Variants in ADSS2 observed in about 807,000 individuals in gnomAD.
ADSS2 encodes the protein adenylosuccinate synthase 2.
In ADSS2, 30 loss-of-function variants were observed where a neutral mutation model predicts 60.0. The ratio of observed to expected loss-of-function variants is 0.50; its 90% CI spans 0.37 to 0.68. The LOEUF (loss-of-function observed/expected upper bound fraction) is 0.68. ADSS2 is among the 30% of genes least tolerant of loss of function. ADSS2 has a pLI of 0.00. For missense variants in ADSS2, 373 were observed against 554.8 expected (o/e 0.67, Z 3.29); for synonymous variants, 187 against 193.1 (o/e 0.97, Z 0.26).
intron 4 of ADSS2, among the ~76,000 whole-genome samples, chr1:244,431,365 T>G (rs941463730): frequency 6.6e-6 from 1 of 152,208 alleles, no homozygotes; most frequent in Admixed American, 6.5e-5. Context: ...GTTTCCTTTG[T>G]TTTTTGTCTT....
In ADSS2 at chr1:244,432,449, A is replaced by T. The variant is rs1464432579; in HGVS notation, c.406+96T>A. The T allele has an allele frequency of 4.3e-6, 4 of 925,718 alleles. No individual in the cohort carries two copies. In the African/African-American group the frequency reaches 5.3e-5, roughly 12 times the overall value. 57.3% of individuals were successfully genotyped at this position (925,718 alleles called of 1,614,324 possible). On this transcript the variant is annotated intron_variant, in intron 4 of 12. Transcript: ENST00000366535. ...CTACAATCCATCCTACTTACGCTAAATAAAAATAAAAGACAAAATTAGTTA... is the reference window on the plus strand; with the variant it reads ...CTACAATCCATCCTACTTACGCTAATTAAAAATAAAAGACAAAATTAGTTA...
In ADSS2 at chr1:244,437,709, G is replaced by A. The variant is rs969695641; in HGVS notation, c.243C>T (p.Leu81=). 6.8e-6 allele frequency: 11 copies of A among 1,607,346 alleles called. No homozygotes were observed. The highest frequency in any genetic ancestry group is 9.4e-6 in the Non-Finnish European group (11 of 1,174,156). The change falls in exon 2 of 13, where the codon CTC becomes CTT. Residue 81 remains leucine, a synonymous_variant. Transcript: ENST00000366535. ...TTGGATTAATTATTCCACTGGGTAA[G>A]AGATGAAAATCATATTCCACAGAAT... The part of the protein sequence containing the change: ...VVDSVEYDFH[L]LPSGIINPNV...
chr1:244,429,593 C>G (rs1434360509), intron 4 of ADSS2, among the ~76,000 whole-genome samples: 2 of 152,086 alleles, frequency 1.3e-5, no homozygotes, highest in Non-Finnish European at 2.9e-5. Flanking sequence ...ATTGACTATA[C>G]TAAAATACAT....
chr1:244,448,435 T>G (rs1665447090), intron 1 of ADSS2, among the ~76,000 whole-genome samples: 1 of 152,220 alleles, frequency 6.6e-6, no homozygotes, highest in Non-Finnish European at 1.5e-5. Flanking sequence ...GTGCTTTCCC[T>G]TATGACTAAC....
chr1:244,429,598 A>T (rs1664885101), intron 4 of ADSS2, among the ~76,000 whole-genome samples: 1 of 152,204 alleles, frequency 6.6e-6, no homozygotes, highest in Admixed American at 6.5e-5. Flanking sequence ...CTATACTAAA[A>T]TACATGTTTC....
chr1:244,440,646 C>A (rs1049124779), intron 1 of ADSS2, among the ~76,000 whole-genome samples: 2 of 152,102 alleles, frequency 1.3e-5, no homozygotes, highest in African/African-American at 4.8e-5. Flanking sequence ...AAATGTGAAG[C>A]CTTTCTCATA....
At chr1:244,445,277 T>C (rs1665356573) in intron 1 of ADSS2, among the ~76,000 whole-genome samples, 1 of 152,182 alleles carries the variant, frequency 6.6e-6, no homozygotes, top group South Asian at 2.1e-4. Context: ...AAAAAAAACT[T>C]ACTACAACAT....
At chr1:244,437,580 G>T in intron 2 of ADSS2, 86 bp downstream of exon 2, 1 of 954,576 alleles carries the variant, frequency 1.0e-6, no homozygotes, top group Non-Finnish European at 1.7e-6. Flanking sequence ...GTCAGTGAGA[G>T]ATGAAAACAG....
chr1:244,418,710 G>C, intron 9 of ADSS2, 50 bp downstream of exon 9: 1 of 1,485,500 alleles, frequency 6.7e-7, no homozygotes. Context: ...AGAAAAAAAA[G>C]AAGAATGAAT....
intron 1 of ADSS2, among the ~76,000 whole-genome samples, chr1:244,438,610 T>C (rs572733605): frequency 6.6e-6 from 1 of 152,372 alleles, no homozygotes; most frequent in South Asian, 2.1e-4. Flanking sequence ...TTTAAACTTC[T>C]ATACAATATT....
At chr1:244,414,826 G>C (rs946934976) in intron 11 of ADSS2, among the ~76,000 whole-genome samples, 4 of 152,198 alleles carry the variant, frequency 2.6e-5, no homozygotes, top group African/African-American at 7.2e-5. Context: ...CTTATTTCGT[G>C]GCTAGTTGTT....
intron 1 of ADSS2, among the ~76,000 whole-genome samples, chr1:244,442,265 A>G (rs1322951003): frequency 2.0e-5 from 3 of 152,016 alleles, no homozygotes; most frequent in African/African-American, 7.2e-5. Flanking sequence ...ACACACACAC[A>G]CACAAATTTT....
Position 244,411,235 on chromosome 1 carries a change from A to G in ADSS2, c.1318+52T>C. The stretch of plus-strand genomic sequence containing the variant: ...CTCCGTCTCAAAAAAAAAAAAAGAA[A>G]AAAGAGAGAGAGAGAAAAGAAAAAA... On this transcript the variant is annotated intron_variant, in intron 12 of 12. Transcript: ENST00000366535. 1.9e-6 allele frequency: 3 copies of G among 1,550,588 alleles called. No homozygotes were observed. The South Asian group carries it at 3.6e-5, about 19-fold the overall frequency.
intron 1 of ADSS2, among the ~76,000 whole-genome samples, chr1:244,438,890 C>A (rs79659456): frequency 0.011 from 1,677 of 152,234 alleles, 31 homozygotes; most frequent in African/African-American, 0.037. Flanking sequence ...TTTATCCTTT[C>A]ATTGTGTTAC....
intron 4 of ADSS2, among the ~76,000 whole-genome samples, chr1:244,428,737 A>C (rs190832661): frequency 1.3e-5 from 2 of 152,298 alleles, no homozygotes; most frequent in East Asian, 3.9e-4. Flanking sequence ...CAGGAATAAA[A>C]GAGGGACATT....
intron 1 of ADSS2, among the ~76,000 whole-genome samples, chr1:244,449,825 C>T (rs934144872): frequency 8.5e-5 from 13 of 152,154 alleles, no homozygotes; most frequent in African/African-American, 2.4e-4. Context: ...AAACTTAGTT[C>T]CTTCTCAATC....
At chr1:244,419,904 G>T (rs1020473802) in intron 8 of ADSS2, among the ~76,000 whole-genome samples, 7 of 152,012 alleles carry the variant, frequency 4.6e-5, no homozygotes, top group Admixed American at 1.3e-4. Flanking sequence ...ATAAACCAAC[G>T]AAAACCACAA....
At chr1:244,452,040 C>A (rs1665645275), upstream of ADSS2, 8 of 391,862 alleles carry the variant, frequency 2.0e-5, no homozygotes, top group Non-Finnish European at 3.5e-5. Context: ...CCGGCCTCGG[C>A]AGCACCGCCC....
At chr1:244,433,300 T>C (rs1468302924) in intron 3 of ADSS2, among the ~76,000 whole-genome samples, 1 of 152,238 alleles carries the variant, frequency 6.6e-6, no homozygotes, top group Non-Finnish European at 1.5e-5. Flanking sequence ...TATCTTTTCT[T>C]CTGTATAGGA....
Sources: allele counts gnomAD v4.1 joint callset (sites outside exome capture counted in the v4.1 genomes callset), GRCh38; gene constraint gnomAD v4.1.1; transcripts MANE v1.5; gene names NCBI Gene and HGNC (gene_info 2026-07-23, HGNC 2026-07-21).